The following CCDC157 variants were observed in gnomAD, a reference collection of about 807,000 sequenced individuals.
CCDC157 encodes coiled-coil domain-containing protein 157.
Under a neutral mutation model 70.9 loss-of-function variants are expected in CCDC157, and 60 were observed. The observed-to-expected ratio is 0.85, with a 90% CI of 0.69 to 1.05. The LOEUF (loss-of-function observed/expected upper bound fraction) is 1.05, where lower values mean the gene tolerates loss of function less well. CCDC157 is among the 50% of genes least tolerant of loss of function. The pLI is 0.00. For missense variants in CCDC157, 943 were observed against 984.2 expected (o/e 0.96, Z 0.56); for synonymous variants, 373 against 422.4 (o/e 0.88, Z 1.43).
At chr22:30,374,827 G>A (rs1320645276) in intron 9 of CCDC157, 2 of 441,854 alleles carry the variant, frequency 4.5e-6, no homozygotes, top group Non-Finnish European at 9.2e-6. Context: ...GCAGCCTGGC[G>A]GAATTCCTGC....
rs199951971 is a variant in CCDC157 at position 30,366,139 on chromosome 22, G to T, written c.139G>T (p.Ala47Ser). The T allele has an allele frequency of 3.6e-5, 58 of 1,613,558 alleles. 2 individuals carry two copies. The South Asian group carries it at 6.0e-4, about 17-fold the overall frequency. ...CTCCTGGAAGTTCCCTGACCGCATG[G>T]CCTGTGACCTCGACATGGTGGCCCT... ...FPSWKFPDRM[A>S]CDLDMVALLE... The change falls in exon 3 of 12, where the codon GCC (alanine) becomes TCC (serine). Residue 47 changes from alanine (A) to serine (S), a missense_variant. Coordinates refer to ENST00000338306, the MANE Select transcript of CCDC157 (RefSeq NM_001017437.5).
chr22:30,375,378 G>A, intron 9 of CCDC157, 101 bp from the exon 10 acceptor site: 1 of 1,069,384 alleles, frequency 9.4e-7, no homozygotes, highest in Non-Finnish European at 1.4e-6. Flanking sequence ...GAAGGAAGAT[G>A]AGCTAGGAGG....
intron 2 of CCDC157, among the ~76,000 whole-genome samples, chr22:30,364,878 G>A (rs1932615669): frequency 6.6e-6 from 1 of 151,240 alleles, no homozygotes; most frequent in Non-Finnish European, 1.5e-5. Context: ...GGTGACAATA[G>A]GTCTTAATGC....
rs1483226260 is a variant in CCDC157, at chr22:30,376,870, T to C, written c.*125T>C. The C allele has an allele frequency of 2.1e-6, 2 of 963,798 alleles. No homozygotes were observed. The highest frequency in any genetic ancestry group is 5.3e-5 in the East Asian group (2 of 37,904). 59.7% of individuals were successfully genotyped at this position (963,798 alleles called of 1,614,324 possible). ...ATGACTGAGCCAAGGAAAGAACCCTTCCTTCCCTGTCCTGGGCAGGGGCCA... is the reference window on the plus strand; with the variant it reads ...ATGACTGAGCCAAGGAAAGAACCCTCCCTTCCCTGTCCTGGGCAGGGGCCA... On this transcript the variant is annotated 3_prime_UTR_variant, in exon 12 of 12. Coordinates refer to ENST00000338306, the MANE Select transcript of CCDC157 (RefSeq NM_001017437.5).
At chr22:30,371,023 C>G in intron 5 of CCDC157, 73 bp downstream of exon 5, 1 of 1,482,096 alleles carries the variant, frequency 6.7e-7, no homozygotes, top group South Asian at 1.3e-5. Context: ...GTTTGTGAGA[C>G]AGGGCTTCCA....
intron 1 of CCDC157, among the ~76,000 whole-genome samples, chr22:30,357,470 C>T (rs1174420051): frequency 1.3e-5 from 2 of 152,276 alleles, no homozygotes; most frequent in South Asian, 2.1e-4. Flanking sequence ...CTGGGGGCCT[C>T]CCTCTCAAAT....
chr22:30,372,547 ACT>A, intron 7 of CCDC157: 1 of 415,966 alleles, frequency 2.4e-6, no homozygotes, highest in Non-Finnish European at 4.2e-6. Context: ...GGTGTGCCAC[ACT>A]CTCCTGCCAG....
At chr22:30,375,453 C>A in intron 9 of CCDC157, 26 bp from the exon 10 acceptor site, 3 of 1,613,042 alleles carry the variant, frequency 1.9e-6, no homozygotes, top group Non-Finnish European at 2.5e-6. Context: ...TGCCTCCCTT[C>A]TAAGGTCCTG....
intron 9 of CCDC157, chr22:30,374,618 G>T (rs1394226843): frequency 4.4e-6 from 2 of 456,942 alleles, no homozygotes; most frequent in Admixed American, 4.7e-5. Context: ...AAATCCTTTT[G>T]CAGAGCTGGC....
intron 4 of CCDC157, 49 bp downstream of exon 4, chr22:30,369,652 C>G (rs1339172415): frequency 7.2e-7 from 1 of 1,389,164 alleles, no homozygotes; most frequent in Admixed American, 2.8e-5. Context: ...CCTCTATCTC[C>G]CCACTGTGGT....
intron 5 of CCDC157, chr22:30,371,333 G>C (rs1601737561): frequency 6.0e-6 from 3 of 501,272 alleles, no homozygotes; most frequent in Non-Finnish European, 1.1e-5. Flanking sequence ...TAGAGACAAA[G>C]TTCCTGGCAC....
chr22:30,366,652 C>G (rs974836822), intron 3 of CCDC157: 3 of 248,886 alleles, frequency 1.2e-5, no homozygotes, highest in African/African-American at 4.4e-5. Context: ...TTGTGCTGTT[C>G]CCTCTGCATA....
Position 30,377,127 on chromosome 22 carries a change from G to A in CCDC157, c.*382G>A. Reference sequence around the variant, plus strand: ...GTGGCCCGCACTGACTCAGGAAGGGGTCAGGTGGGAGTGGACAGAGGAAGG... The same window carrying A: ...GTGGCCCGCACTGACTCAGGAAGGGATCAGGTGGGAGTGGACAGAGGAAGG... On this transcript the variant is annotated 3_prime_UTR_variant, in exon 12 of 12. Coordinates refer to ENST00000338306, the MANE Select transcript of CCDC157 (RefSeq NM_001017437.5). 1 of 262,066 alleles carries A rather than the reference G, an allele frequency of 3.8e-6. No individual in the cohort carries two copies. The highest frequency in any genetic ancestry group is 7.4e-6 in the Non-Finnish European group (1 of 134,418). 16.2% of individuals were successfully genotyped at this position (262,066 alleles called of 1,614,324 possible).
chr22:30,374,555 T>C, intron 9 of CCDC157: 1 of 458,370 alleles, frequency 2.2e-6, no homozygotes, highest in Non-Finnish European at 4.4e-6. Context: ...CAGGATTGGA[T>C]ATCAGGTGAC....
Position 30,357,073 on chromosome 22 carries a change from C to T in CCDC157, c.-225C>T, listed in dbSNP as rs973325152. 5.8e-6 allele frequency: 2 copies of T among 343,854 alleles called. No individual in the cohort carries two copies. Among genetic ancestry groups the T allele is most frequent in the Admixed American group, 9.6e-5 (2 of 20,884 alleles). The allele number at this position is 343,854 out of a possible 1,614,324, so 21.3% of individuals were successfully genotyped here. ...GGGGATCCCGGTGGCCGCAGGCGCA[C>T]CGGGGGCAGTTCCGGGAGCCGACCA... On this transcript the variant is annotated 5_prime_UTR_variant, in exon 1 of 12. Coordinates refer to ENST00000338306, the MANE Select transcript of CCDC157 (RefSeq NM_001017437.5).
intron 1 of CCDC157, among the ~76,000 whole-genome samples, chr22:30,358,753 C>T (rs1932125505): frequency 6.6e-6 from 1 of 152,216 alleles, no homozygotes; most frequent in African/African-American, 2.4e-5. Context: ...ATAGCTGCTG[C>T]TCCTCCCTAA....
chr22:30,366,177 T>C lies in CCDC157; in HGVS notation c.177T>C (p.Tyr59=). 1 of 1,613,732 alleles carries C rather than the reference T, an allele frequency of 6.2e-7. No homozygotes were observed. The change falls in exon 3 of 12, where the codon TAT becomes TAC. Residue 59 remains tyrosine (Y), a synonymous_variant. Transcript: ENST00000338306. ...DLDMVALLEH[Y]DHVPGDPEFT... The stretch of plus-strand genomic sequence containing the variant: ...ACATGGTGGCCCTGCTGGAGCACTA[T>C]GACCATGTTCCGGGTGACCCCGAGT...
rs1156580512 is a variant in CCDC157, at chr22:30,376,924, G to A, written c.*179G>A. 3.2e-6 allele frequency: 2 copies of A among 633,870 alleles called. No homozygotes were observed. Among genetic ancestry groups the A allele is most frequent in the African/African-American group, 3.7e-5 (2 of 54,416 alleles). 39.3% of individuals were successfully genotyped at this position (633,870 alleles called of 1,614,324 possible). A position where few individuals can be genotyped will look rare whatever the true frequency, so the allele number is the denominator to read the frequency against. ...AGTCCCCAGCCATGTAGTTCAGTCA[G>A]TCAGCAGAGTCCTGGCACTATGGGC... On this transcript the variant is annotated 3_prime_UTR_variant, in exon 12 of 12. Coordinates refer to ENST00000338306, the MANE Select transcript of CCDC157 (RefSeq NM_001017437.5).
In CCDC157 at chr22:30,373,646, A is replaced by G. The variant is rs373248410; in HGVS notation, c.1385A>G (p.Asp462Gly). Residue 462 changes from aspartate to glycine, a missense_variant, in exon 8 of 12, where the codon GAC (aspartate) becomes GGC (glycine). Transcript: ENST00000338306. ...CTGCTAAAGCAGCTGGACAGCCTGG[A>G]CCAGGAACGTGAGGAGCTGCGGGGC... is the stretch of plus-strand genomic sequence containing the variant. ...RALLKQLDSL[D>G]QEREELRGSL... The G allele has an allele frequency of 1.9e-6, 3 of 1,558,814 alleles. No individual in the cohort carries two copies. In the South Asian group the frequency reaches 3.5e-5, roughly 18 times the overall value.
Sources: allele counts gnomAD v4.1 joint callset (sites outside exome capture counted in the v4.1 genomes callset), GRCh38; gene constraint gnomAD v4.1.1; transcripts MANE v1.5; gene names NCBI Gene and HGNC (gene_info 2026-07-23, HGNC 2026-07-21).